LINGO2: variants seen among roughly 807,000 people sequenced by gnomAD.
LINGO2 encodes the protein leucine rich repeat and Ig domain containing 2, also known as leucine-rich repeat and immunoglobulin-like domain-containing nogo receptor-interacting protein 2.
In LINGO2, 14 loss-of-function variants were observed where a neutral mutation model predicts 30.6. That is an observed-to-expected ratio of 0.46 (90% CI 0.30 to 0.72). The LOEUF is 0.72. Ranked by LOEUF, LINGO2 falls within the 30% of genes least tolerant of loss-of-function variation. The probability of loss-of-function intolerance (pLI) is 0.07; values close to 1 mark genes in which losing one functional copy is unlikely to be tolerated. For missense variants in LINGO2, 729 were observed against 751.7 expected (o/e 0.97, Z 0.35); for synonymous variants, 317 against 288.5 (o/e 1.10, Z -1.00).
chr9:27,989,935 G>T (rs1004973335), intron 5 of LINGO2, among the ~76,000 whole-genome samples: 1 of 151,974 alleles, frequency 6.6e-6, no homozygotes, highest in Non-Finnish European at 1.5e-5. Context: ...AAGCTCAAAA[G>T]AAGGAAAAAG....
intron 3 of LINGO2, among the ~76,000 whole-genome samples, chr9:28,327,991 G>T (rs1252498023): frequency 6.6e-6 from 1 of 152,128 alleles, no homozygotes; most frequent in Non-Finnish European, 1.5e-5. Flanking sequence ...AGCAGCCAGG[G>T]GCCCAGACCC....
the LINGO2 span, among the ~76,000 whole-genome samples, chr9:28,878,267 A>T: frequency 6.6e-6 from 1 of 152,032 alleles, no homozygotes; most frequent in East Asian, 1.9e-4. Context: ...CGACACATAC[A>T]CCCTCCCAAG....
At chr9:27,938,757 C>T in the LINGO2 span, 1 of 152,120 alleles carries the variant, frequency 6.6e-6, no homozygotes, top group African/African-American at 2.4e-5. Context: ...AGGTTTAAAC[C>T]ACAGTTTGAT....
chr9:28,944,235 T>G, the LINGO2 span, among the ~76,000 whole-genome samples: 1 of 152,148 alleles, frequency 6.6e-6, no homozygotes, highest in South Asian at 2.1e-4. Context: ...AAGCAGACAT[T>G]CAGACCCTTG....
At chr9:28,238,151 A>AAG (rs34878831) in intron 4 of LINGO2, among the ~76,000 whole-genome samples, 620 of 150,054 alleles carry the variant, frequency 4.1e-3, no homozygotes, top group African/African-American at 0.014. Context: ...ATTAGAACTA[A>AAG]AGAGAGAGAG....
the LINGO2 span, among the ~76,000 whole-genome samples, chr9:29,037,010 T>C: frequency 1.3e-5 from 2 of 151,938 alleles, no homozygotes; most frequent in Non-Finnish European, 2.9e-5. Flanking sequence ...TTGAAATCTA[T>C]GTATGTCAGG....
At chr9:29,163,043 T>A in the LINGO2 span, among the ~76,000 whole-genome samples, 1 of 152,146 alleles carries the variant, frequency 6.6e-6, no homozygotes, top group Non-Finnish European at 1.5e-5. Context: ...TATTTCCCCC[T>A]CAGTATAAAA....
At chr9:28,337,093 AAAT>A (rs1328041288) in intron 3 of LINGO2, among the ~76,000 whole-genome samples, 1 of 149,288 alleles carries the variant, frequency 6.7e-6, no homozygotes, top group Non-Finnish European at 1.5e-5. Context: ...ATAAAAGCAT[AAAT>A]ATTATATATA....
chr9:28,863,577 G>C, the LINGO2 span: 1 of 516,946 alleles, frequency 1.9e-6, no homozygotes. Flanking sequence ...CAATGGCTCA[G>C]TAAAGGAATC....
intron 4 of LINGO2, among the ~76,000 whole-genome samples, chr9:28,047,085 T>G (rs1366843989): frequency 6.6e-6 from 1 of 152,036 alleles, no homozygotes; most frequent in Non-Finnish European, 1.5e-5. Flanking sequence ...AAGCAGACAG[T>G]AAATAGATTA....
At chr9:28,647,896 T>TC (rs1250449971) in intron 1 of LINGO2, among the ~76,000 whole-genome samples, 57 of 110,328 alleles carry the variant, frequency 5.2e-4, no homozygotes, top group Admixed American at 9.4e-4. Flanking sequence ...TTTCTTTCTT[T>TC]TTTTTTTTTT....
intron 3 of LINGO2, among the ~76,000 whole-genome samples, chr9:28,353,385 A>G (rs796430189): frequency 6.6e-6 from 1 of 150,888 alleles, no homozygotes; most frequent in Non-Finnish European, 1.5e-5. Context: ...TTATGCAGCC[A>G]AAAAACACAT....
At chr9:28,096,584 G>A (rs548842868) in intron 4 of LINGO2, among the ~76,000 whole-genome samples, 12 of 152,172 alleles carry the variant, frequency 7.9e-5, no homozygotes, top group Middle Eastern at 6.9e-3. Context: ...CAGAGAGACA[G>A]CACTAATGAC....
chr9:28,644,839 T>C (rs1302359430), intron 1 of LINGO2, among the ~76,000 whole-genome samples: 2 of 151,986 alleles, frequency 1.3e-5, no homozygotes, highest in Admixed American at 6.6e-5. Flanking sequence ...TGTACTCACA[T>C]AAATCAAATT....
chr9:28,457,668 C>T (rs1288783767), intron 2 of LINGO2, among the ~76,000 whole-genome samples: 1 of 152,056 alleles, frequency 6.6e-6, no homozygotes, highest in Non-Finnish European at 1.5e-5. Context: ...CTGGCTTAGG[C>T]AATCCTCCTC....
chr9:28,070,012 C>A (rs1451040230), intron 4 of LINGO2, among the ~76,000 whole-genome samples: 1 of 152,184 alleles, frequency 6.6e-6, no homozygotes, highest in Non-Finnish European at 1.5e-5. Flanking sequence ...CAGTGCAGAG[C>A]AGCATGCTCA....
intron 4 of LINGO2, among the ~76,000 whole-genome samples, chr9:28,109,421 T>A (rs1351402928): frequency 7.9e-5 from 12 of 151,998 alleles, no homozygotes. Context: ...AATGAAATAA[T>A]GGGTATTCAA....
chr9:28,737,359 A>G, the LINGO2 span, among the ~76,000 whole-genome samples: 1 of 152,166 alleles, frequency 6.6e-6, no homozygotes, highest in Non-Finnish European at 1.5e-5. Context: ...AAAACAAGTC[A>G]ATCAGTGGAG....
chr9:28,784,363 A>G, the LINGO2 span, among the ~76,000 whole-genome samples: 1 of 152,206 alleles, frequency 6.6e-6, no homozygotes. Context: ...GTATAATGGA[A>G]AGAAGGCAAG....
Sources: allele counts gnomAD v4.1 joint callset (sites outside exome capture counted in the v4.1 genomes callset), GRCh38; gene constraint gnomAD v4.1.1; transcripts MANE v1.5; gene names NCBI Gene and HGNC (gene_info 2026-07-23, HGNC 2026-07-21).